The following SRGAP3 variants were observed in gnomAD, a reference collection of about 807,000 sequenced individuals.
SRGAP3 encodes the protein SLIT-ROBO Rho GTPase activating protein 3, also known as SLIT-ROBO Rho GTPase-activating protein 3.
Under a neutral mutation model 121.1 loss-of-function variants are expected in SRGAP3, and 39 were observed. That is an observed-to-expected ratio of 0.32 (90% CI 0.25 to 0.42). SRGAP3 has a LOEUF of 0.42. SRGAP3 is among the 10% of genes least tolerant of loss of function. The probability of loss-of-function intolerance (pLI) is 1.00; values close to 1 mark genes in which losing one functional copy is unlikely to be tolerated. For missense variants in SRGAP3, 1,213 were observed against 1,470.6 expected, an observed-to-expected ratio of 0.82 and a Z score of 2.86; for synonymous variants, 601 against 570.0, an observed-to-expected ratio of 1.05 and a Z score of -0.77.
chr3:9,048,469 C>T (rs1459867010), intron 9 of SRGAP3, among the ~76,000 whole-genome samples: 4 of 152,154 alleles, frequency 2.6e-5, no homozygotes, highest in Admixed American at 6.5e-5. Context: ...AGACAATAAA[C>T]GAACAAAAAA....
At chr3:9,061,423 C>A (rs1946165588) in intron 5 of SRGAP3, among the ~76,000 whole-genome samples, 1 of 152,094 alleles carries the variant, frequency 6.6e-6, no homozygotes, top group Admixed American at 6.5e-5. Flanking sequence ...TGTCTCAAGG[C>A]CCTCAAACTC....
chr3:9,205,747 A>C (rs1163902512), intron 1 of SRGAP3, among the ~76,000 whole-genome samples: 1 of 152,264 alleles, frequency 6.6e-6, no homozygotes, highest in African/African-American at 2.4e-5. Context: ...TCATAGATAA[A>C]CAGATAAACA....
chr3:9,248,640 TCA>T (rs971312100), intron 1 of SRGAP3, among the ~76,000 whole-genome samples: 7 of 152,114 alleles, frequency 4.6e-5, no homozygotes, highest in Non-Finnish European at 1.0e-4. Context: ...AGGATCCTCC[TCA>T]CACACCTGCA....
At chr3:9,172,802 G>C (rs1029503189) in intron 1 of SRGAP3, among the ~76,000 whole-genome samples, 1 of 152,252 alleles carries the variant, frequency 6.6e-6, no homozygotes, top group Admixed American at 6.5e-5. Context: ...TGGGGAGTGA[G>C]AAGGGCAAGC....
intron 3 of SRGAP3, among the ~76,000 whole-genome samples, chr3:9,306,413 TTTAA>T (rs1955163057): frequency 6.6e-6 from 1 of 152,338 alleles, no homozygotes; most frequent in East Asian, 1.9e-4. Context: ...AGCTCTTTAG[TTTAA>T]TTAGATCCCA....
At chr3:8,988,483 C>T (rs1233273545) in intron 21 of SRGAP3, among the ~76,000 whole-genome samples, 1 of 152,172 alleles carries the variant, frequency 6.6e-6, no homozygotes, top group African/African-American at 2.4e-5. Context: ...GAAAGGGGGT[C>T]TTGGATGGCA....
At chr3:9,153,968 C>T (rs1219562444) in intron 1 of SRGAP3, among the ~76,000 whole-genome samples, 1 of 152,068 alleles carries the variant, frequency 6.6e-6, no homozygotes, top group Non-Finnish European at 1.5e-5. Flanking sequence ...TCCAGCTTCC[C>T]CCCACCACTC....
intron 3 of SRGAP3, among the ~76,000 whole-genome samples, chr3:9,292,412 T>A (rs1025498363): frequency 6.6e-6 from 1 of 152,186 alleles, no homozygotes; most frequent in African/African-American, 2.4e-5. Flanking sequence ...CTGCCCTCCA[T>A]GAAGCCTTCT....
intron 2 of SRGAP3, among the ~76,000 whole-genome samples, chr3:9,116,534 G>T (rs1206344817): frequency 3.3e-5 from 5 of 152,192 alleles, no homozygotes; most frequent in African/African-American, 1.2e-4. Flanking sequence ...GAGGCGAGAG[G>T]AGCAGCTGAC....
intron 2 of SRGAP3, among the ~76,000 whole-genome samples, chr3:9,117,271 A>G (rs1454761299): frequency 2.0e-5 from 3 of 152,248 alleles, no homozygotes; most frequent in Non-Finnish European, 2.9e-5. Context: ...CTGTTTAGGA[A>G]TAGCCTGGAA....
In SRGAP3 at chr3:8,980,860, T is replaced by C. The variant is rs1197781198; in HGVS notation, c.*4659A>G. ...AGGAAACAAAATAGACCAGCCACTC[T>C]GAAGCAATCAGAATCAAACCTATTG... On this transcript the variant is annotated 3_prime_UTR_variant, in exon 22 of 22. Transcript: ENST00000383836. 6.0e-5 allele frequency: 14 copies of C among 233,560 alleles called. No homozygotes were observed. In the East Asian group the frequency reaches 8.5e-4, roughly 14 times the overall value. The allele number at this position is 233,560 out of a possible 1,614,324, so 14.5% of individuals were successfully genotyped here. A position where few individuals can be genotyped will look rare whatever the true frequency, so the allele number is the denominator to read the frequency against.
At chr3:9,142,939 G>A (rs1455237504) in intron 1 of SRGAP3, among the ~76,000 whole-genome samples, 1 of 146,100 alleles carries the variant, frequency 6.8e-6, no homozygotes, top group East Asian at 2.0e-4. Flanking sequence ...TCAGGCTCAA[G>A]TGATCCTCCC....
At chr3:9,049,610 G>A (rs545766414) in intron 9 of SRGAP3, 19 of 412,038 alleles carry the variant, frequency 4.6e-5, no homozygotes, top group Non-Finnish European at 7.3e-5. Flanking sequence ...GTGGGGCAGA[G>A]GGCCAGGGGC....
At chr3:9,314,813 G>A (rs954680778) in intron 3 of SRGAP3, among the ~76,000 whole-genome samples, 4 of 152,178 alleles carry the variant, frequency 2.6e-5, no homozygotes, top group African/African-American at 9.7e-5. Flanking sequence ...CCAGCATAGG[G>A]ATTCTCCTTC....
intron 21 of SRGAP3, among the ~76,000 whole-genome samples, chr3:8,990,224 G>A (rs1188614247): frequency 6.6e-6 from 1 of 152,222 alleles, no homozygotes; most frequent in Non-Finnish European, 1.5e-5. Context: ...GTATCATTTT[G>A]TGTAGTGACC....
intron 1 of SRGAP3, among the ~76,000 whole-genome samples, chr3:9,156,244 T>G (rs1950412504): frequency 6.6e-6 from 1 of 152,112 alleles, no homozygotes; most frequent in African/African-American, 2.4e-5. Context: ...TTGTGTGTGT[T>G]TTGTTTGTTT....
chr3:9,052,530 C>T (rs1159605941), intron 9 of SRGAP3, among the ~76,000 whole-genome samples: 3 of 152,120 alleles, frequency 2.0e-5, no homozygotes, highest in Non-Finnish European at 2.9e-5. Context: ...CCCCAGTCCC[C>T]GTCTCCTTTC....
intron 4 of SRGAP3, among the ~76,000 whole-genome samples, chr3:9,076,161 G>A (rs1163172376): frequency 1.3e-5 from 2 of 152,182 alleles, no homozygotes; most frequent in East Asian, 1.9e-4. Context: ...TGCAGCCACA[G>A]GAGTGGCCCC....
intron 1 of SRGAP3, among the ~76,000 whole-genome samples, chr3:9,209,324 C>A (rs1952364604): frequency 6.6e-6 from 1 of 152,088 alleles, no homozygotes; most frequent in Admixed American, 6.5e-5. Flanking sequence ...AAGCAAAGAG[C>A]CAATTTCCTA....
Sources: allele counts gnomAD v4.1 joint callset (sites outside exome capture counted in the v4.1 genomes callset), GRCh38; gene constraint gnomAD v4.1.1; transcripts MANE v1.5; gene names NCBI Gene and HGNC (gene_info 2026-07-23, HGNC 2026-07-21).